Variants in EYS observed in about 807,000 individuals in gnomAD.
EYS encodes the protein EGF-like photoreceptor maintenance factor.
A neutral mutation model predicts 282.1 loss-of-function variants in EYS; 250 were observed. The observed-to-expected ratio is 0.89, with a 90% CI of 0.80 to 0.98. The LOEUF (loss-of-function observed/expected upper bound fraction) is 0.98. Ranked by LOEUF, EYS falls within the 50% of genes least tolerant of loss-of-function variation. The pLI, the probability that EYS is intolerant of heterozygous loss-of-function variation, is 0.00. For missense variants in EYS, 4,016 were observed against 3,709.0 expected (o/e 1.08, Z -2.15); for synonymous variants, 1,355 against 1,282.9 (o/e 1.06, Z -1.20).
intron 19 of EYS, among the ~76,000 whole-genome samples, chr6:64,825,552 CCCAA>C (rs751435163): frequency 2.2e-4 from 33 of 151,922 alleles, no homozygotes; most frequent in Admixed American, 5.3e-4. Flanking sequence ...CCAGCCTCTT[CCCAA>C]CCACGAACAA....
At chr6:65,428,881 T>C (rs1013144098) in intron 5 of EYS, among the ~76,000 whole-genome samples, 3 of 152,090 alleles carry the variant, frequency 2.0e-5, no homozygotes, top group African/African-American at 7.2e-5. Flanking sequence ...AATTGTGGCC[T>C]ATAAATAAAA....
chr6:65,298,472 T>A (rs192588137), intron 11 of EYS, among the ~76,000 whole-genome samples: 1 of 152,080 alleles, frequency 6.6e-6, no homozygotes, highest in East Asian at 1.9e-4. Context: ...TATTTCATTA[T>A]ATTTCATGTA....
chr6:64,205,814 T>TAC (rs147264812), intron 31 of EYS, among the ~76,000 whole-genome samples: 73,406 of 135,802 alleles, frequency 0.54, 20,467 homozygotes, highest in South Asian at 0.61. Context: ...TAGGCATTCA[T>TAC]ACACACACAC....
intron 36 of EYS, among the ~76,000 whole-genome samples, chr6:63,837,724 T>C (rs1771845059): frequency 2.0e-5 from 3 of 152,160 alleles, no homozygotes; most frequent in Admixed American, 2.0e-4. Flanking sequence ...TTGGACTCTG[T>C]TATTATTTTG....
chr6:65,050,133 A>G (rs1263719259), intron 13 of EYS, among the ~76,000 whole-genome samples: 1 of 151,500 alleles, frequency 6.6e-6, no homozygotes, highest in Non-Finnish European at 1.5e-5. Flanking sequence ...TAAAATAAAA[A>G]TAAGAGAAAG....
At chr6:65,602,143 G>C (rs1765636073) in intron 2 of EYS, among the ~76,000 whole-genome samples, 3 of 151,790 alleles carry the variant, frequency 2.0e-5, no homozygotes, top group Non-Finnish European at 4.4e-5. Context: ...ACAATTTAAA[G>C]TATCTTGTCA....
chr6:65,568,626 C>A (rs988958158), intron 2 of EYS, among the ~76,000 whole-genome samples: 31 of 152,068 alleles, frequency 2.0e-4, no homozygotes, highest in African/African-American at 7.5e-4. Flanking sequence ...TTTTCAATGA[C>A]AAAATTAGAC....
At chr6:65,033,463 T>C (rs1008769533) in intron 13 of EYS, among the ~76,000 whole-genome samples, 5 of 152,180 alleles carry the variant, frequency 3.3e-5, no homozygotes, top group Admixed American at 2.0e-4. Context: ...AATCGTTTCA[T>C]AGGCCGGTCA....
chr6:64,746,752 T>C (rs1772568754), intron 22 of EYS, among the ~76,000 whole-genome samples: 2 of 152,228 alleles, frequency 1.3e-5, no homozygotes, highest in African/African-American at 4.8e-5. Context: ...TTGTGGAGGA[T>C]AAAGCAACTT....
At chr6:65,576,557 T>C (rs1427320354) in intron 2 of EYS, among the ~76,000 whole-genome samples, 1 of 151,866 alleles carries the variant, frequency 6.6e-6, no homozygotes, top group Non-Finnish European at 1.5e-5. Flanking sequence ...TATTCAAAAA[T>C]AGAGTTGGAT....
chr6:63,791,721 T>C (rs933681595), intron 37 of EYS, among the ~76,000 whole-genome samples: 5 of 152,120 alleles, frequency 3.3e-5, no homozygotes. Context: ...GATGTAAGTA[T>C]TTTACCAGAG....
intron 8 of EYS, among the ~76,000 whole-genome samples, chr6:65,382,654 G>C (rs1467664716): frequency 6.6e-6 from 1 of 151,952 alleles, no homozygotes; most frequent in African/African-American, 2.4e-5. Context: ...GCAAGCTGAG[G>C]AGCAAGGAAG....
chr6:63,902,941 G>T (rs1211972950), intron 35 of EYS, among the ~76,000 whole-genome samples: 1 of 152,218 alleles, frequency 6.6e-6, no homozygotes, highest in Non-Finnish European at 1.5e-5. Flanking sequence ...TGAAGTAGGG[G>T]AGAAGGTGCT....
intron 14 of EYS, among the ~76,000 whole-genome samples, chr6:64,956,479 A>G (rs1383816891): frequency 6.6e-6 from 1 of 152,234 alleles, no homozygotes; most frequent in Non-Finnish European, 1.5e-5. Flanking sequence ...ACCTCAGACT[A>G]TGTAACTACC....
At chr6:64,188,898 A>T (rs1409774432) in intron 31 of EYS, among the ~76,000 whole-genome samples, 1 of 152,140 alleles carries the variant, frequency 6.6e-6, no homozygotes, top group Non-Finnish European at 1.5e-5. Context: ...AAGATATTTC[A>T]TCATCTTTTT....
At chr6:63,831,313 A>G (rs560652552) in intron 36 of EYS, among the ~76,000 whole-genome samples, 32 of 152,232 alleles carry the variant, frequency 2.1e-4, no homozygotes, top group Non-Finnish European at 2.8e-4. Flanking sequence ...TGCTGTACTC[A>G]GGAGACCCAT....
intron 2 of EYS, among the ~76,000 whole-genome samples, chr6:65,589,283 C>T (rs1765154852): frequency 6.6e-6 from 1 of 152,036 alleles, no homozygotes; most frequent in Admixed American, 6.6e-5. Context: ...TGCATTCTGG[C>T]CAGAGTGCAC....
At chr6:64,457,406 A>C (rs1775589732) in intron 26 of EYS, among the ~76,000 whole-genome samples, 1 of 151,990 alleles carries the variant, frequency 6.6e-6, no homozygotes, top group Non-Finnish European at 1.5e-5. Flanking sequence ...TTTAAGTTTC[A>C]TGATCATTTT....
At chr6:65,382,579 T>C (rs1212351819) in intron 8 of EYS, among the ~76,000 whole-genome samples, 1 of 151,520 alleles carries the variant, frequency 6.6e-6, no homozygotes, top group Non-Finnish European at 1.5e-5. Flanking sequence ...TAGATTTATA[T>C]GAAAAGGGGA....
Sources: gnomAD v4.1 joint callset for allele counts (sites outside exome capture counted in the v4.1 genomes callset) on GRCh38, gnomAD v4.1.1 for gene constraint, MANE v1.5 for transcripts, NCBI Gene and HGNC (gene_info 2026-07-23, HGNC 2026-07-21) for gene names.